The following SPATA13 variants were observed in gnomAD, a reference collection of about 807,000 sequenced individuals.
The protein encoded by SPATA13 is spermatogenesis associated 13.
In SPATA13, 50 loss-of-function variants were observed where a neutral mutation model predicts 104.0. The ratio of observed to expected loss-of-function variants is 0.48; its 90% CI spans 0.38 to 0.61. The LOEUF (loss-of-function observed/expected upper bound fraction) is 0.61, where lower values mean the gene tolerates loss of function less well. Ranked by LOEUF, SPATA13 falls within the 20% of genes least tolerant of loss-of-function variation. The pLI is 0.00. For synonymous variants in SPATA13, 606 were observed against 667.5 expected, an observed-to-expected ratio of 0.91 and a Z score of 1.42; for missense variants, 1,524 against 1,690.6, an observed-to-expected ratio of 0.90 and a Z score of 1.73.
intron 2 of SPATA13, among the ~76,000 whole-genome samples, chr13:23,989,373 G>T (rs138735968): frequency 0.012 from 1,794 of 151,444 alleles, 15 homozygotes; most frequent in Non-Finnish European, 0.016. Flanking sequence ...AATGAGCCGA[G>T]ATCACGCCAC....
chr13:24,005,144 G>A (rs753024445), intron 2 of SPATA13, among the ~76,000 whole-genome samples: 30 of 152,140 alleles, frequency 2.0e-4, no homozygotes, highest in African/African-American at 6.8e-4. Flanking sequence ...TCTCTGAGTC[G>A]CTAGGGGAGA....
chr13:24,132,214 G>A (rs1465522752), intron 3 of SPATA13, among the ~76,000 whole-genome samples: 1 of 152,202 alleles, frequency 6.6e-6, no homozygotes. Context: ...GAGAAATCTA[G>A]AACAAGCCTG....
At chr13:24,256,931 A>G (rs1005763442) in intron 4 of SPATA13, among the ~76,000 whole-genome samples, 1 of 152,226 alleles carries the variant, frequency 6.6e-6, no homozygotes, top group African/African-American at 2.4e-5. Context: ...AAGGATGCCC[A>G]CACTGCTAGA....
At chr13:24,250,870 C>G (rs1289067788) in intron 3 of SPATA13, among the ~76,000 whole-genome samples, 1 of 152,162 alleles carries the variant, frequency 6.6e-6, no homozygotes, top group African/African-American at 2.4e-5. Context: ...CCAGGATGCT[C>G]CACAGCCTTA....
chr13:24,239,944 T>C (rs2138642443), intron 2 of SPATA13, among the ~76,000 whole-genome samples: 1 of 151,922 alleles, frequency 6.6e-6, no homozygotes, highest in African/African-American at 2.4e-5. Flanking sequence ...GTGGTCATTA[T>C]GTGCATTTAT....
Position 24,245,584 on chromosome 13 carries a change from CTTTTT to C in SPATA13, c.1654-3873_1654-3869del, listed in dbSNP as rs61316306. 2.5e-4 allele frequency among the ~76,000 whole-genome samples: 22 copies of C among 88,638 alleles called. No individual in the cohort carries two copies. The South Asian group carries it at 9.4e-3, about 38-fold the overall frequency. The allele number at this position is 88,638 out of a possible 152,430, so 58.1% of individuals were successfully genotyped here. A position where few individuals can be genotyped will look rare whatever the true frequency, so the allele number is the denominator to read the frequency against. On this transcript the variant is annotated intron_variant, in intron 2 of 12. Transcript: ENST00000382108. ...ACTGAACGTAGAATTACAGTTGTTT[CTTTTT>C]TTTTTTTTTTTTTTTTTTTAGACAA...
chr13:24,217,860 G>A (rs921594402), intron 1 of SPATA13, among the ~76,000 whole-genome samples: 1 of 151,932 alleles, frequency 6.6e-6, no homozygotes, highest in Non-Finnish European at 1.5e-5. Context: ...AAAATACTGT[G>A]GCAACTCCCT....
At chr13:24,188,661 T>G (rs532607688) in intron 1 of SPATA13, among the ~76,000 whole-genome samples, 1 of 152,328 alleles carries the variant, frequency 6.6e-6, no homozygotes, top group African/African-American at 2.4e-5. Context: ...AGCAAGTTCT[T>G]CAGAAGATCT....
At chr13:24,082,212 G>A (rs1207236033) in intron 3 of SPATA13, among the ~76,000 whole-genome samples, 1 of 152,306 alleles carries the variant, frequency 6.6e-6, no homozygotes, top group East Asian at 1.9e-4. Context: ...CTTCAACAGG[G>A]GAGGACGCTG....
chr13:24,149,362 C>T (rs1389480151), intron 3 of SPATA13, among the ~76,000 whole-genome samples: 2 of 152,130 alleles, frequency 1.3e-5, no homozygotes, highest in South Asian at 2.1e-4. Flanking sequence ...TATGTGAGAT[C>T]GTGGGGGTGA....
chr13:24,089,269 A>G (rs553055541), intron 3 of SPATA13, among the ~76,000 whole-genome samples: 23 of 152,350 alleles, frequency 1.5e-4, no homozygotes, highest in African/African-American at 5.0e-4. Context: ...TCGTATGGTC[A>G]TAACCCATGA....
chr13:24,236,952 C>T (rs1872605298), intron 2 of SPATA13, among the ~76,000 whole-genome samples: 1 of 152,142 alleles, frequency 6.6e-6, no homozygotes, highest in South Asian at 2.1e-4. Context: ...ATGTTCATAG[C>T]AGCACTATTC....
At chr13:24,248,011 G>A (rs1162671973) in intron 2 of SPATA13, among the ~76,000 whole-genome samples, 6 of 152,192 alleles carry the variant, frequency 3.9e-5, no homozygotes, top group Admixed American at 3.9e-4. Context: ...TGGTGGTTCT[G>A]GTTGTCCTCC....
Position 24,224,165 on chromosome 13 carries a change from T to C in SPATA13, c.1236T>C (p.Leu412=). ...HLDADTAVFP[L]ETKSSWAVES... ...ACGCTGACACTGCCGTATTTCCTCTTGAAACCAAAAGTTCCTGGGCGGTGG... is the reference window on the plus strand; with the variant it reads ...ACGCTGACACTGCCGTATTTCCTCTCGAAACCAAAAGTTCCTGGGCGGTGG... Residue 412 remains leucine (L), a synonymous_variant, in exon 2 of 13, where the codon CTT becomes CTC. Transcript: ENST00000382108. 6.4e-7 allele frequency: 1 copy of C among 1,551,770 alleles called. No homozygotes were observed. The highest frequency in any genetic ancestry group is 8.7e-7 in the Non-Finnish European group (1 of 1,147,010).
chr13:24,251,644 G>A (rs746469296), intron 3 of SPATA13, 74 bp from the exon 4 acceptor site: 100 of 1,574,902 alleles, frequency 6.3e-5, no homozygotes, highest in Non-Finnish European at 8.0e-5. Context: ...AGGTGAGAGC[G>A]CTATGCGTGT....
At position 24,161,095 on chromosome 13, in the gene SPATA13, G is replaced by C. The variant is rs1882460327; in HGVS notation, c.-112+163G>C. Among the ~76,000 whole-genome samples, 1 of 152,204 alleles carries C rather than the reference G, an allele frequency of 6.6e-6. No individual in the cohort carries two copies. The highest frequency in any genetic ancestry group is 6.5e-5 in the Admixed American group (1 of 15,290). On this transcript the variant is annotated intron_variant, in intron 1 of 12. Transcript: ENST00000382108. This position sits in a 1 kb window ranked among gnomAD's most constrained non-coding sequence, Gnocchi z 4.5. ...TTCCCCCGCCGGTGGAGGCTACCGGGTGCTCACCTGTTAGGTCCGTGCGCC... is the reference window on the plus strand; with the variant it reads ...TTCCCCCGCCGGTGGAGGCTACCGGCTGCTCACCTGTTAGGTCCGTGCGCC...
intron 3 of SPATA13, among the ~76,000 whole-genome samples, chr13:24,070,022 G>C (rs1346083867): frequency 6.6e-6 from 1 of 152,204 alleles, no homozygotes; most frequent in Admixed American, 6.5e-5. Flanking sequence ...ATTGGATAGA[G>C]GTAAGGCTAG....
chr13:24,025,766 A>G (rs969212682), intron 3 of SPATA13, among the ~76,000 whole-genome samples: 1 of 151,698 alleles, frequency 6.6e-6, no homozygotes, highest in Non-Finnish European at 1.5e-5. Context: ...ATTTTTTTCT[A>G]TGAAATATCT....
chr13:24,047,527 G>A (rs1297947376), intron 3 of SPATA13, among the ~76,000 whole-genome samples: 1 of 152,188 alleles, frequency 6.6e-6, no homozygotes, highest in Non-Finnish European at 1.5e-5. Context: ...GAGAATAGAA[G>A]CAAGATGGAA....
Sources: gnomAD v4.1 joint callset for allele counts (sites outside exome capture counted in the v4.1 genomes callset) on GRCh38, gnomAD v4.1.1 for gene constraint, Gnocchi (gnomAD v3.1) non-coding constraint, MANE v1.5 for transcripts, NCBI Gene and HGNC (gene_info 2026-07-23, HGNC 2026-07-21) for gene names.